MLLT3: variants seen among roughly 807,000 people sequenced by gnomAD.
MLLT3 encodes the protein protein AF-9.
Under a neutral mutation model 53.2 loss-of-function variants are expected in MLLT3, and 4 were observed. That is an observed-to-expected ratio of 0.08 (90% CI 0.04 to 0.17). The LOEUF (loss-of-function observed/expected upper bound fraction) is 0.17. Among genes scored for constraint, MLLT3 ranks in the 10% least tolerant of loss-of-function variants. The pLI is 1.00. For synonymous variants in MLLT3, 283 were observed against 230.6 expected, an observed-to-expected ratio of 1.23 and a Z score of -2.06; for missense variants, 569 against 684.0, an observed-to-expected ratio of 0.83 and a Z score of 1.87.
intron 4 of MLLT3, among the ~76,000 whole-genome samples, chr9:20,425,783 A>G (rs1010784363): frequency 6.6e-6 from 1 of 152,010 alleles, no homozygotes; most frequent in Admixed American, 6.6e-5. Context: ...CACATGAAAA[A>G]ATTTATTTCA....
intron 2 of MLLT3, among the ~76,000 whole-genome samples, chr9:20,494,737 C>T (rs1165036909): frequency 6.6e-6 from 1 of 152,092 alleles, no homozygotes; most frequent in Non-Finnish European, 1.5e-5. Flanking sequence ...CGGACATTTT[C>T]TCAATATTGG....
intron 2 of MLLT3, among the ~76,000 whole-genome samples, chr9:20,546,818 G>A (rs1818800529): frequency 6.6e-6 from 1 of 152,210 alleles, no homozygotes. Flanking sequence ...TCTTTGTTTC[G>A]GGTTGAACGA....
At chr9:20,416,795 C>T (rs1221459963) in intron 4 of MLLT3, among the ~76,000 whole-genome samples, 1 of 152,042 alleles carries the variant, frequency 6.6e-6, no homozygotes, top group Non-Finnish European at 1.5e-5. Flanking sequence ...AGGACAAACA[C>T]ATTCCATAAC....
chr9:20,397,367 C>T (rs537858610), intron 5 of MLLT3, among the ~76,000 whole-genome samples: 1 of 152,178 alleles, frequency 6.6e-6, no homozygotes, highest in East Asian at 1.9e-4. Flanking sequence ...GTGAGTATAA[C>T]GTTCAACTTT....
intron 2 of MLLT3, among the ~76,000 whole-genome samples, chr9:20,520,279 C>A (rs1818025075): frequency 6.6e-6 from 1 of 151,960 alleles, no homozygotes; most frequent in Admixed American, 6.6e-5. Context: ...ATGAAATAAT[C>A]TGTACAACAA....
intron 2 of MLLT3, among the ~76,000 whole-genome samples, chr9:20,555,966 A>C (rs1166254851): frequency 1.3e-5 from 2 of 152,128 alleles, no homozygotes; most frequent in African/African-American, 4.8e-5. Flanking sequence ...CTTCAGAAAA[A>C]CTCCAAACAA....
At chr9:20,593,028 C>A (rs1820167463) in intron 2 of MLLT3, among the ~76,000 whole-genome samples, 1 of 152,178 alleles carries the variant, frequency 6.6e-6, no homozygotes, top group African/African-American at 2.4e-5. Context: ...ATTATTATGG[C>A]ATTTTTGATG....
At chr9:20,385,165 C>T (rs919112527) in intron 5 of MLLT3, among the ~76,000 whole-genome samples, 6 of 152,062 alleles carry the variant, frequency 3.9e-5, no homozygotes, top group Non-Finnish European at 5.9e-5. Flanking sequence ...AATACTTTTT[C>T]CTGAGTCTAT....
chr9:20,566,868 C>T (rs765010754), intron 2 of MLLT3, among the ~76,000 whole-genome samples: 1 of 152,054 alleles, frequency 6.6e-6, no homozygotes, highest in Non-Finnish European at 1.5e-5. Flanking sequence ...TTAGCCAGCA[C>T]AAGGATACGG....
intron 4 of MLLT3, among the ~76,000 whole-genome samples, chr9:20,436,054 A>G (rs945042554): frequency 1.2e-4 from 18 of 152,124 alleles, no homozygotes; most frequent in African/African-American, 4.1e-4. Context: ...AAATCTTTTA[A>G]TATCTAAGCA....
intron 5 of MLLT3, among the ~76,000 whole-genome samples, chr9:20,409,093 T>G (rs1586926917): frequency 6.6e-6 from 1 of 152,300 alleles, no homozygotes; most frequent in African/African-American, 2.4e-5. Context: ...GGCTGAAGGA[T>G]GTAACATTTT....
intron 2 of MLLT3, among the ~76,000 whole-genome samples, chr9:20,612,689 A>T (rs1202490545): frequency 1.3e-5 from 2 of 151,940 alleles, no homozygotes; most frequent in Non-Finnish European, 2.9e-5. Flanking sequence ...AATAGTCAAT[A>T]TATATATATA....
At chr9:20,457,677 G>A (rs897581773) in intron 2 of MLLT3, among the ~76,000 whole-genome samples, 1 of 152,068 alleles carries the variant, frequency 6.6e-6, no homozygotes, top group African/African-American at 2.4e-5. Flanking sequence ...CAATATACAT[G>A]TAAACACTTA....
At chr9:20,590,455 C>G (rs893215214) in intron 2 of MLLT3, among the ~76,000 whole-genome samples, 5 of 152,192 alleles carry the variant, frequency 3.3e-5, no homozygotes, top group African/African-American at 1.2e-4. Context: ...ACGCTGTTCT[C>G]ATGATAGTGA....
At chr9:20,587,981 C>T (rs1279108847) in intron 2 of MLLT3, among the ~76,000 whole-genome samples, 14 of 150,174 alleles carry the variant, frequency 9.3e-5, no homozygotes, top group African/African-American at 2.2e-4. Context: ...TTAGGTCTAA[C>T]ATTTAAGTCT....
intron 2 of MLLT3, among the ~76,000 whole-genome samples, chr9:20,520,025 G>A (rs745720255): frequency 2.6e-5 from 4 of 152,102 alleles, no homozygotes; most frequent in Admixed American, 2.0e-4. Flanking sequence ...CCATAAAAAC[G>A]AATGAGATCA....
chr9:20,604,248 T>C (rs969751913), intron 2 of MLLT3, among the ~76,000 whole-genome samples: 2 of 152,096 alleles, frequency 1.3e-5, no homozygotes, highest in Non-Finnish European at 1.5e-5. Context: ...TACATGGTAT[T>C]ATTCTAACTC....
intron 2 of MLLT3, among the ~76,000 whole-genome samples, chr9:20,599,282 C>T (rs1168783276): frequency 9.9e-5 from 14 of 141,140 alleles, no homozygotes; most frequent in African/African-American, 3.2e-4. Context: ...TCAGCCTGGG[C>T]GACAGAGTAA....
At chr9:20,522,797 T>C (rs1818097364) in intron 2 of MLLT3, among the ~76,000 whole-genome samples, 1 of 152,082 alleles carries the variant, frequency 6.6e-6, no homozygotes, top group South Asian at 2.1e-4. Context: ...CCCAGTGCAG[T>C]AGCTAACACC....
Sources: gnomAD v4.1 joint callset for allele counts (sites outside exome capture counted in the v4.1 genomes callset) on GRCh38, gnomAD v4.1.1 for gene constraint, MANE v1.5 for transcripts, NCBI Gene and HGNC (gene_info 2026-07-23, HGNC 2026-07-21) for gene names.